The following ADGRV1 variants were observed in gnomAD, a reference collection of about 807,000 sequenced individuals.
ADGRV1 encodes the protein adhesion G protein-coupled receptor V1.
ADGRV1 carries 359 observed loss-of-function variants against 596.2 expected under a neutral mutation model. The observed-to-expected ratio is 0.60, with a 90% CI of 0.55 to 0.66. The LOEUF is 0.66. ADGRV1 is among the 30% of genes least tolerant of loss of function. The probability of loss-of-function intolerance (pLI) is 0.00; values close to 1 mark genes in which losing one functional copy is unlikely to be tolerated. For synonymous variants in ADGRV1, 2,681 were observed against 2,679.2 expected (o/e 1.00, Z -0.02); for missense variants, 7,274 against 7,575.6 (o/e 0.96, Z 1.48).
At chr5:90,651,364 T>G (rs537088579) in intron 17 of ADGRV1, among the ~76,000 whole-genome samples, 1 of 151,074 alleles carries the variant, frequency 6.6e-6, no homozygotes, top group African/African-American at 2.4e-5. Flanking sequence ...TATTTCATCT[T>G]GAAATTATGT....
At chr5:91,092,202 G>A (rs912304587) in intron 86 of ADGRV1, among the ~76,000 whole-genome samples, 4 of 152,148 alleles carry the variant, frequency 2.6e-5, no homozygotes, top group Non-Finnish European at 4.4e-5. Flanking sequence ...CCAGGTTCAA[G>A]CAATTTCCTG....
intron 87 of ADGRV1, among the ~76,000 whole-genome samples, chr5:91,107,836 A>G (rs894793246): frequency 4.4e-4 from 67 of 152,190 alleles, no homozygotes; most frequent in Non-Finnish European, 3.7e-4. Flanking sequence ...ATCAAATCAC[A>G]TAAACAGGAA....
intron 89 of ADGRV1, among the ~76,000 whole-genome samples, chr5:91,153,727 C>A (rs1208425664): frequency 6.6e-6 from 1 of 152,216 alleles, no homozygotes; most frequent in Non-Finnish European, 1.5e-5. Flanking sequence ...GGAGTTTTGC[C>A]TCTGGCCTGC....
At chr5:90,590,878 A>G (rs1480815733) in intron 1 of ADGRV1, among the ~76,000 whole-genome samples, 2 of 152,200 alleles carry the variant, frequency 1.3e-5, no homozygotes, top group Admixed American at 1.3e-4. Flanking sequence ...AAATGCTGTA[A>G]TAGTATTTTT....
chr5:90,728,540 C>T (rs1266656123), intron 48 of ADGRV1, 129 bp from the exon 49 acceptor site: 3 of 802,892 alleles, frequency 3.7e-6, no homozygotes, highest in Non-Finnish European at 6.0e-6. Context: ...TTAGTATTTT[C>T]TTATTTATGA....
At chr5:91,031,383 A>G (rs1173355238) in intron 85 of ADGRV1, 3 of 1,105,618 alleles carry the variant, frequency 2.7e-6, no homozygotes, top group East Asian at 4.7e-5. Context: ...ATCATTCTGC[A>G]TGCTCTGTGC....
At chr5:90,875,325 T>C (rs1769124728) in intron 83 of ADGRV1, among the ~76,000 whole-genome samples, 1 of 152,230 alleles carries the variant, frequency 6.6e-6, no homozygotes, top group Non-Finnish European at 1.5e-5. Flanking sequence ...GAATTAATTT[T>C]CCCAGAAAAG....
chr5:90,711,799 CAA>C (rs1749388900), intron 41 of ADGRV1, among the ~76,000 whole-genome samples: 1 of 152,062 alleles, frequency 6.6e-6, no homozygotes, highest in Non-Finnish European at 1.5e-5. Flanking sequence ...TTTTTGGAGA[CAA>C]AGTCTCGCTC....
chr5:90,927,804 G>T (rs1774679266), intron 83 of ADGRV1, among the ~76,000 whole-genome samples: 1 of 152,028 alleles, frequency 6.6e-6, no homozygotes, highest in Non-Finnish European at 1.5e-5. Context: ...GCTTCCTTCA[G>T]GAGCTCTTTT....
chr5:90,609,694 C>G (rs186826482), intron 1 of ADGRV1, among the ~76,000 whole-genome samples: 275 of 152,084 alleles, frequency 1.8e-3, no homozygotes, highest in African/African-American at 6.2e-3. Flanking sequence ...ACTTGAAAAC[C>G]TTGTTCCTTT....
chr5:90,870,645 A>G (rs951100267), intron 83 of ADGRV1, among the ~76,000 whole-genome samples: 1 of 152,206 alleles, frequency 6.6e-6, no homozygotes, highest in Non-Finnish European at 1.5e-5. Flanking sequence ...AAAATGGATG[A>G]GGCTACCAGA....
intron 89 of ADGRV1, among the ~76,000 whole-genome samples, chr5:91,154,956 T>C (rs1332359831): frequency 6.6e-6 from 1 of 152,144 alleles, no homozygotes; most frequent in African/African-American, 2.4e-5. Context: ...AATTATACAA[T>C]TACAATTGAC....
At position 90,854,064 on chromosome 5, in the gene ADGRV1, A is replaced by T; in HGVS notation, c.17457A>T (p.Val5819=). Residue 5819 remains valine, a splice_region_variant and synonymous_variant, in exon 81 of 90, where the codon GTA becomes GTT. Coordinates refer to ENST00000405460, the MANE Select transcript of ADGRV1 (RefSeq NM_032119.4). The part of the protein sequence containing the change: ...GNNLPTLKNK[V]LSLSVKGQSS... ...ATGTTCTGTTTTTAACATTCTAGGT[A>T]TTATCTTTGAGTGTGAAAGGTCAGA... 2.5e-6 allele frequency: 4 copies of T among 1,573,256 alleles called. No individual in the cohort carries two copies. Among genetic ancestry groups the T allele is most frequent in the Non-Finnish European group, 8.7e-7 (1 of 1,153,360 alleles).
At chr5:91,160,881 A>T (rs532595936) in intron 89 of ADGRV1, among the ~76,000 whole-genome samples, 1 of 152,242 alleles carries the variant, frequency 6.6e-6, no homozygotes, top group East Asian at 1.9e-4. Flanking sequence ...GGATGATGAG[A>T]TGGGTCAGTA....
At chr5:91,145,653 A>G (rs1490378256) in intron 87 of ADGRV1, among the ~76,000 whole-genome samples, 3 of 152,230 alleles carry the variant, frequency 2.0e-5, no homozygotes, top group Non-Finnish European at 4.4e-5. Flanking sequence ...TTTCCAAAAA[A>G]AAAAACAACT....
Position 90,643,927 on chromosome 5 carries a change from T to C in ADGRV1, c.2678T>C (p.Val893Ala). 6.2e-6 allele frequency: 10 copies of C among 1,612,488 alleles called. No individual in the cohort carries two copies. The highest frequency in any genetic ancestry group is 8.5e-6 in the Non-Finnish European group (10 of 1,178,934). ...NDDPHGIIEF[V>A]SDGLIVMINE... ...GATCCTCATGGCATTATAGAATTTG[T>C]TTCTGATGGTCTAATTGTGATGATA... Residue 893 changes from valine (V) to alanine (A), a missense_variant, in exon 14 of 90, where the codon GTT becomes GCT. Val to Ala is a moderately conservative substitution (Grantham distance 64). This residue lies in a region of ADGRV1 where 1,715 missense variants were observed against 1,708.8 expected (regional missense o/e 1.00). Transcript: ENST00000405460.
intron 85 of ADGRV1, among the ~76,000 whole-genome samples, chr5:91,013,254 T>G (rs1419436800): frequency 6.6e-6 from 1 of 152,126 alleles, no homozygotes; most frequent in Admixed American, 6.6e-5. Context: ...AGTTGAATGA[T>G]AGATCTGCTT....
chr5:90,851,073 A>G (rs535893200), intron 79 of ADGRV1, among the ~76,000 whole-genome samples: 26 of 147,160 alleles, frequency 1.8e-4, no homozygotes, highest in African/African-American at 6.3e-4. Flanking sequence ...TCAGTTTTTT[A>G]AAGATTGAAC....
intron 1 of ADGRV1, among the ~76,000 whole-genome samples, chr5:90,595,504 G>A (rs1460070089): frequency 2.7e-5 from 3 of 112,356 alleles, no homozygotes; most frequent in Non-Finnish European, 5.6e-5. Flanking sequence ...CTTCCCAGTA[G>A]GGGCGGCCGG....
Sources: allele counts gnomAD v4.1 joint callset (sites outside exome capture counted in the v4.1 genomes callset), GRCh38; gene constraint gnomAD v4.1.1; regional missense constraint gnomAD v4.1.1; transcripts MANE v1.5; gene names NCBI Gene and HGNC (gene_info 2026-07-23, HGNC 2026-07-21).